The following CMIP variants were observed in gnomAD, a reference collection of about 807,000 sequenced individuals.
CMIP encodes c-Maf inducing protein, also known as C-Maf-inducing protein.
Under a neutral mutation model 97.3 loss-of-function variants are expected in CMIP, and 13 were observed. The observed-to-expected ratio is 0.13, with a 90% CI of 0.09 to 0.21. The LOEUF (loss-of-function observed/expected upper bound fraction) is 0.21, where lower values mean the gene tolerates loss of function less well. Among genes scored for constraint, CMIP ranks in the 10% least tolerant of loss-of-function variants. The probability of loss-of-function intolerance (pLI) is 1.00; values close to 1 mark genes in which losing one functional copy is unlikely to be tolerated. For synonymous variants in CMIP, 538 were observed against 436.3 expected, an observed-to-expected ratio of 1.23 and a Z score of -2.91; for missense variants, 847 against 1,024.9, an observed-to-expected ratio of 0.83 and a Z score of 2.37.
intron 5 of CMIP, among the ~76,000 whole-genome samples, chr16:81,659,709 T>G (rs972969718): frequency 6.6e-6 from 1 of 152,108 alleles, no homozygotes; most frequent in Non-Finnish European, 1.5e-5. Context: ...GGAAAGAAAT[T>G]TTGATCTGAG....
At chr16:81,596,078 A>C (rs968444405) in intron 1 of CMIP, among the ~76,000 whole-genome samples, 1 of 152,062 alleles carries the variant, frequency 6.6e-6, no homozygotes. Context: ...GTTTTTCTCT[A>C]TCCATCCTAG....
chr16:81,705,768 C>A (rs1245813108), intron 19 of CMIP, among the ~76,000 whole-genome samples, 164 bp downstream of exon 19: 1 of 152,232 alleles, frequency 6.6e-6, no homozygotes, highest in Non-Finnish European at 1.5e-5. Context: ...AGGCACCATT[C>A]CATGTGCCAG....
chr16:81,544,989 TCTC>T (rs1314359143), intron 1 of CMIP, among the ~76,000 whole-genome samples: 3 of 152,258 alleles, frequency 2.0e-5, no homozygotes, highest in East Asian at 1.9e-4. Flanking sequence ...TTCATTTTCA[TCTC>T]CTGCCAGTTC....
chr16:81,622,918 G>A (rs879728613), intron 3 of CMIP, among the ~76,000 whole-genome samples: 1 of 152,242 alleles, frequency 6.6e-6, no homozygotes, highest in Non-Finnish European at 1.5e-5. Context: ...AAATGTCAAG[G>A]ATTGGCCAGG....
At chr16:81,460,262 G>A (rs567219823) in intron 1 of CMIP, among the ~76,000 whole-genome samples, 20 of 152,288 alleles carry the variant, frequency 1.3e-4, no homozygotes, top group African/African-American at 4.8e-4. Flanking sequence ...GGGAGATGGA[G>A]GATGGGAGGA....
chr16:81,585,140 G>A (rs1230777548), intron 1 of CMIP, among the ~76,000 whole-genome samples: 1 of 152,100 alleles, frequency 6.6e-6, no homozygotes, highest in Non-Finnish European at 1.5e-5. Flanking sequence ...TCAGGTGTTT[G>A]AGACCAGCCT....
rs776888623 is a variant in CMIP, at chr16:81,678,620, C to A, written c.1380C>A (p.Leu460=). The A allele has an allele frequency of 2.4e-5, 38 of 1,558,698 alleles. No homozygotes were observed. Among genetic ancestry groups the A allele is most frequent in the Non-Finnish European group, 3.2e-5 (36 of 1,139,532 alleles). The change falls in exon 10 of 21, where the codon CTC becomes CTA. Residue 460 remains leucine (L), a synonymous_variant. Coordinates refer to ENST00000537098, the MANE Select transcript of CMIP (RefSeq NM_198390.3). ...DRTLGCYVEI[L]KLLSDYDDWR... ...CGCTCGGCTGCTACGTGGAAATCCTCAAGCTGCTGTGAGTGCCCCCCCCGC... is the reference window on the plus strand; with the variant it reads ...CGCTCGGCTGCTACGTGGAAATCCTAAAGCTGCTGTGAGTGCCCCCCCCGC...
chr16:81,461,644 G>A (rs1347713979), intron 1 of CMIP, among the ~76,000 whole-genome samples: 1 of 151,978 alleles, frequency 6.6e-6, no homozygotes, highest in Non-Finnish European at 1.5e-5. Context: ...TTTTTTTGAA[G>A]CCTTCTCCAC....
rs1202081953 is a variant in CMIP, at chr16:81,675,355, T to C, written c.1035-2920T>C. Among the ~76,000 whole-genome samples the C allele has an allele frequency of 1.9e-3, 285 of 150,266 alleles. 1 individual carries two copies. Among genetic ancestry groups the C allele is most frequent in the African/African-American group, 6.6e-3 (272 of 40,964 alleles). On this transcript the variant is annotated intron_variant, in intron 9 of 20. Transcript: ENST00000537098. The stretch of plus-strand genomic sequence containing the variant: ...AGTAGCTGGGATTACAGGTGTGCAC[T>C]GCCACACCTGGCTAATTTTTTTTTT...
At chr16:81,606,568 A>G (rs1043400020) in intron 1 of CMIP, among the ~76,000 whole-genome samples, 2 of 152,242 alleles carry the variant, frequency 1.3e-5, no homozygotes, top group East Asian at 1.9e-4. Context: ...CCTACTCCCA[A>G]CAATGACCAA....
chr16:81,476,055 T>C, intron 1 of CMIP: 1 of 724,874 alleles, frequency 1.4e-6, no homozygotes. Context: ...GCAATAGTGA[T>C]CTTCTTGCTG....
At chr16:81,681,014 C>CT (rs1219239831) in intron 10 of CMIP, among the ~76,000 whole-genome samples, 2 of 152,224 alleles carry the variant, frequency 1.3e-5, no homozygotes, top group Non-Finnish European at 2.9e-5. Context: ...TCCAGACCCC[C>CT]TGCCTGCCCG....
chr16:81,603,424 G>T, intron 1 of CMIP: 1 of 454,458 alleles, frequency 2.2e-6, no homozygotes, highest in Non-Finnish European at 4.4e-6. Context: ...AGGACAGTTT[G>T]AGATGTATAG....
chr16:81,537,601 C>T (rs1304066452), intron 1 of CMIP, among the ~76,000 whole-genome samples: 2 of 148,608 alleles, frequency 1.3e-5, no homozygotes, highest in African/African-American at 2.5e-5. Flanking sequence ...CACGGTGGCT[C>T]ACTCCTGTAA....
At position 81,671,959 on chromosome 16, in the gene CMIP, T is replaced by C. The variant is rs1022483954; in HGVS notation, c.930-7T>C. 2 of 1,548,700 alleles carry C rather than the reference T, an allele frequency of 1.3e-6. No individual in the cohort carries two copies. Among genetic ancestry groups the C allele is most frequent in the Admixed American group, 3.7e-5 (2 of 54,020 alleles). On this transcript the variant is annotated splice_region_variant and splice_polypyrimidine_tract_variant and intron_variant, in intron 8 of 20. Coordinates refer to ENST00000537098, the MANE Select transcript of CMIP (RefSeq NM_198390.3). ...GCTTCTCACCCCAGCCCTCTGCTTT[T>C]TTCCAGCATGCACGGCCCCACAGGG... is the stretch of plus-strand genomic sequence containing the variant.
intron 9 of CMIP, among the ~76,000 whole-genome samples, chr16:81,674,617 C>T (rs2092711684): frequency 6.6e-6 from 1 of 151,032 alleles, no homozygotes; most frequent in African/African-American, 2.4e-5. Context: ...GACAGCTTAG[C>T]TGTTGTCGCC....
intron 1 of CMIP, among the ~76,000 whole-genome samples, chr16:81,485,386 T>G (rs2089299179): frequency 6.6e-6 from 1 of 152,220 alleles, no homozygotes; most frequent in Non-Finnish European, 1.5e-5. Context: ...TTTGAGCTAT[T>G]TTACAACTCT....
intron 1 of CMIP, among the ~76,000 whole-genome samples, chr16:81,463,406 C>T (rs574978282): frequency 4.6e-5 from 7 of 152,302 alleles, no homozygotes; most frequent in East Asian, 1.9e-4. Flanking sequence ...TTTGCATGTT[C>T]TAAAGCCAAA....
chr16:81,519,043 C>A (rs1181891799), intron 1 of CMIP: 2 of 152,248 alleles, frequency 1.3e-5, no homozygotes, highest in Non-Finnish European at 2.9e-5. Context: ...CCGTGTTGGC[C>A]AGGCTGGTCT....
Sources: gnomAD v4.1 joint callset for allele counts (sites outside exome capture counted in the v4.1 genomes callset) on GRCh38, gnomAD v4.1.1 for gene constraint, MANE v1.5 for transcripts, NCBI Gene and HGNC (gene_info 2026-07-23, HGNC 2026-07-21) for gene names.